Variants in CACNA1B observed in about 807,000 individuals in gnomAD.
The protein encoded by CACNA1B is calcium voltage-gated channel subunit alpha1 B.
CACNA1B carries 70 observed loss-of-function variants against 247.2 expected under a neutral mutation model. That is an observed-to-expected ratio of 0.28 (90% confidence interval 0.23 to 0.35). CACNA1B has a LOEUF of 0.35. CACNA1B is among the 10% of genes least tolerant of loss of function. The probability of loss-of-function intolerance (pLI) is 1.00; values close to 1 mark genes in which losing one functional copy is unlikely to be tolerated. For missense variants in CACNA1B, 2,367 were observed against 3,197.4 expected (o/e 0.74, Z 6.26); for synonymous variants, 1,231 against 1,294.4 (o/e 0.95, Z 1.05).
intron 3 of CACNA1B, among the ~76,000 whole-genome samples, chr9:137,893,368 AC>A (rs1957131738): frequency 6.6e-6 from 1 of 150,742 alleles, no homozygotes; most frequent in African/African-American, 2.4e-5. Context: ...AAAAAAAAAA[AC>A]ACTGGGTGCG....
chr9:137,952,769 A>G lies in CACNA1B; in HGVS notation c.1070+392A>G, dbSNP rs1957893843. Among the ~76,000 whole-genome samples, 1 of 137,432 alleles carries G rather than the reference A, an allele frequency of 7.3e-6. No individual in the cohort carries two copies. The highest frequency in any genetic ancestry group is 2.9e-5 in the African/African-American group (1 of 34,352). The allele number at this position is 137,432 out of a possible 152,430, so 90.2% of individuals were successfully genotyped here. On this transcript the variant is annotated intron_variant, in intron 7 of 46. Transcript: ENST00000371372. This position sits in a 1 kb window ranked among gnomAD's most constrained non-coding sequence, Gnocchi z 4.8. Reference sequence around the variant, plus strand: ...TGTATTGGGAGGTTGGTCTGGGTGGATGGGAGGTGTGGTCTGTGATGGGAA... The same window carrying G: ...TGTATTGGGAGGTTGGTCTGGGTGGGTGGGAGGTGTGGTCTGTGATGGGAA...
intron 8 of CACNA1B, 113 bp from the exon 9 acceptor site, chr9:137,956,653 CAAAAA>C (rs879084940): frequency 5.7e-4 from 287 of 500,904 alleles, no homozygotes; most frequent in Middle Eastern, 2.0e-3. Context: ...GACTCCATCT[CAAAAA>C]AAAAAAAAAA....
chr9:138,072,843 CA>C lies in CACNA1B; in HGVS notation c.4675-644del, dbSNP rs1255083865. Among the ~76,000 whole-genome samples the C allele has an allele frequency of 6.6e-6, 1 of 152,234 alleles. No individual in the cohort carries two copies. Among genetic ancestry groups the C allele is most frequent in the African/African-American group, 2.4e-5 (1 of 41,458 alleles). Reference sequence around the variant, plus strand: ...ACTAGACAGCCTGGGCTCTCTAGAGCAGAGGCCTGTTTGACCGTGAATTGCA... The same window carrying C: ...ACTAGACAGCCTGGGCTCTCTAGAGCGAGGCCTGTTTGACCGTGAATTGCA... On this transcript the variant is annotated intron_variant, in intron 32 of 46. Transcript: ENST00000371372. The surrounding 1 kb of genome is among the most constrained non-coding windows in gnomAD (Gnocchi z 4.5).
At chr9:137,959,315 T>C (rs2133348117) in intron 10 of CACNA1B, among the ~76,000 whole-genome samples, 1 of 152,298 alleles carries the variant, frequency 6.6e-6, no homozygotes, top group East Asian at 1.9e-4. Context: ...TCAGGTGATC[T>C]ACCCACCTTG....
chr9:138,081,750 G>A (rs1960528942), intron 36 of CACNA1B, among the ~76,000 whole-genome samples: 1 of 151,156 alleles, frequency 6.6e-6, no homozygotes, highest in African/African-American at 2.4e-5. Flanking sequence ...CTTAGCCTGA[G>A]TTTAGAACCT....
chr9:137,976,374 G>A (rs932149534), intron 12 of CACNA1B, among the ~76,000 whole-genome samples: 2 of 152,250 alleles, frequency 1.3e-5, no homozygotes, highest in African/African-American at 4.8e-5. Flanking sequence ...GCTCAGGGGG[G>A]CTCTGGCCCT....
chr9:137,882,733 G>A lies in CACNA1B; in HGVS notation c.391-11G>A, dbSNP rs80253729. 2,663 of 1,613,810 alleles carry A rather than the reference G, an allele frequency of 1.7e-3. 78 individuals carry two copies. In the South Asian group the frequency reaches 0.027, roughly 17 times the overall value. On this transcript the variant is annotated splice_polypyrimidine_tract_variant and intron_variant, in intron 2 of 46. Coordinates refer to ENST00000371372, the MANE Select transcript of CACNA1B (RefSeq NM_000718.4). The surrounding 1 kb of genome is among the most constrained non-coding windows in gnomAD (Gnocchi z 4.0). The stretch of plus-strand genomic sequence containing the variant: ...GGGCCAGGGGTGACCACTGTTCTGC[G>A]CTTCTCCTAGGACGACACGGAGCCC...
rs921017677 is a variant in CACNA1B, at chr9:137,899,060, C to T, written c.531-14120C>T. 5.3e-5 allele frequency among the ~76,000 whole-genome samples: 8 copies of T among 151,780 alleles called. No individual in the cohort carries two copies. Among genetic ancestry groups the T allele is most frequent in the Non-Finnish European group, 8.8e-5 (6 of 67,942 alleles). On this transcript the variant is annotated intron_variant, in intron 3 of 46. Coordinates refer to ENST00000371372, the MANE Select transcript of CACNA1B (RefSeq NM_000718.4). This position sits in a 1 kb window ranked among gnomAD's most constrained non-coding sequence, Gnocchi z 5.0. ...GTGCTGGGATTGTAGGTGTGAGCCA[C>T]CCTGCCTGGCCTTCTTTTTTCTCTC... is the stretch of plus-strand genomic sequence containing the variant.
rs375412976 is a variant in CACNA1B at position 138,025,083 on chromosome 9, G to C, written c.3197G>C (p.Arg1066Pro). 17 of 1,613,092 alleles carry C rather than the reference G, an allele frequency of 1.1e-5. No individual in the cohort carries two copies. Among genetic ancestry groups the C allele is most frequent in the Non-Finnish European group, 1.4e-5 (17 of 1,179,484 alleles). Reference sequence around the variant, plus strand: ...GCAGACAATCAGCGGAACGTCACTCGCATGGGCAGTCAGCCCCCAGACCCG... The same window carrying C: ...GCAGACAATCAGCGGAACGTCACTCCCATGGGCAGTCAGCCCCCAGACCCG... Reference protein sequence around the residue: ...EDADNQRNVTRMGSQPPDPNT... With the variant: ...EDADNQRNVTPMGSQPPDPNT... The change falls in exon 20 of 47, where the codon CGC (arginine) becomes CCC (proline). Residue 1066 changes from arginine to proline, a missense_variant. This residue lies in a region of CACNA1B where 631 missense variants were observed against 631.1 expected (regional missense o/e 1.00). Coordinates refer to ENST00000371372, the MANE Select transcript of CACNA1B (RefSeq NM_000718.4).
chr9:138,110,591 G>A (rs1961593005), intron 39 of CACNA1B, among the ~76,000 whole-genome samples: 1 of 152,128 alleles, frequency 6.6e-6, no homozygotes, highest in South Asian at 2.1e-4. Flanking sequence ...AATCAGCTGG[G>A]CATGGTGGCG....
At position 138,115,558 on chromosome 9, in the gene CACNA1B, C is replaced by T. The variant is rs747977669; in HGVS notation, c.5656C>T (p.Pro1886Ser). ...CCCTTTGCCTCCTTTGCAGATGGGT[C>T]CTGTGTCCCTGTTCCACCCTCTGAA... ...QAPGGLSQMG[P>S]VSLFHPLKAT... Residue 1886 changes from proline to serine, a missense_variant, in exon 42 of 47, where the codon CCT becomes TCT. Pro to Ser is a moderately conservative substitution (Grantham distance 74). Transcript: ENST00000371372. 1.2e-6 allele frequency: 2 copies of T among 1,613,156 alleles called. No homozygotes were observed. The highest frequency in any genetic ancestry group is 1.1e-5 in the South Asian group (1 of 90,950).
intron 31 of CACNA1B, 54 bp from the exon 32 acceptor site, chr9:138,069,704 T>A: frequency 6.0e-6 from 9 of 1,488,620 alleles, no homozygotes; most frequent in Non-Finnish European, 8.4e-6. Context: ...TGCTCAAACC[T>A]CCCCAATTTG....
At chr9:138,003,887 G>A (rs564153137) in intron 15 of CACNA1B, among the ~76,000 whole-genome samples, 15 of 149,556 alleles carry the variant, frequency 1.0e-4, no homozygotes, top group Admixed American at 2.0e-4. Context: ...CTCCCAAAGC[G>A]CTAGGACTAC....
intron 20 of CACNA1B, 74 bp from the exon 21 acceptor site, chr9:138,043,700 A>T: frequency 1.3e-6 from 2 of 1,569,476 alleles, no homozygotes; most frequent in Admixed American, 3.4e-5. Context: ...GGGGCATGGG[A>T]GCTGGGAGGG....
At chr9:137,908,980 T>C (rs2133270884) in intron 3 of CACNA1B, among the ~76,000 whole-genome samples, 1 of 151,458 alleles carries the variant, frequency 6.6e-6, no homozygotes, top group Admixed American at 6.6e-5. Flanking sequence ...ACATGAAGTT[T>C]TCTGTTTTAA....
intron 36 of CACNA1B, among the ~76,000 whole-genome samples, chr9:138,078,710 T>A (rs1960412872): frequency 6.6e-6 from 1 of 152,154 alleles, no homozygotes; most frequent in Admixed American, 6.5e-5. Flanking sequence ...AGCTTGGCTC[T>A]GGCTTCTGTG....
At chr9:137,959,059 AATTTT>A (rs1486199934) in intron 10 of CACNA1B, among the ~76,000 whole-genome samples, 1 of 152,030 alleles carries the variant, frequency 6.6e-6, no homozygotes, top group East Asian at 1.9e-4. Flanking sequence ...ATCATCTTAT[AATTTT>A]ATTTTATTTA....
At position 138,122,202 on chromosome 9, in the gene CACNA1B, C is replaced by T. The variant is rs201941200; in HGVS notation, c.*203C>T. On this transcript the variant is annotated 3_prime_UTR_variant, in exon 47 of 47. Coordinates refer to ENST00000371372, the MANE Select transcript of CACNA1B (RefSeq NM_000718.4). ...GTTAGAGGATGCGGCTCTCTCTGTCCCCTTCCTGTCCTGCCTTCCTGGGTC... is the reference window on the plus strand; with the variant it reads ...GTTAGAGGATGCGGCTCTCTCTGTCTCCTTCCTGTCCTGCCTTCCTGGGTC... The T allele has an allele frequency of 5.0e-6, 3 of 594,924 alleles. No individual in the cohort carries two copies. The highest frequency in any genetic ancestry group is 9.0e-6 in the Non-Finnish European group (3 of 334,500). The allele number at this position is 594,924 out of a possible 1,614,324, so 36.9% of individuals were successfully genotyped here.
intron 6 of CACNA1B, among the ~76,000 whole-genome samples, chr9:137,923,658 A>T (rs1957517306): frequency 6.6e-6 from 1 of 152,232 alleles, no homozygotes; most frequent in African/African-American, 2.4e-5. Context: ...TTTCTCTGGG[A>T]TAAATGCCAA....
Sources: allele counts gnomAD v4.1 joint callset (sites outside exome capture counted in the v4.1 genomes callset), GRCh38; gene constraint gnomAD v4.1.1; regional missense constraint gnomAD v4.1.1; non-coding constraint Gnocchi (gnomAD v3.1); transcripts MANE v1.5; gene names NCBI Gene and HGNC (gene_info 2026-07-23, HGNC 2026-07-21).